Variants in NRCAM observed in about 807,000 individuals in gnomAD.
NRCAM encodes NgCAM-related cell adhesion molecule.
In NRCAM, 83 loss-of-function variants were observed where a neutral mutation model predicts 156.5. The ratio of observed to expected loss-of-function variants is 0.53; its 90% CI spans 0.44 to 0.64. The LOEUF (loss-of-function observed/expected upper bound fraction) is 0.64. Ranked by LOEUF, NRCAM falls within the 30% of genes least tolerant of loss-of-function variation. The probability of loss-of-function intolerance (pLI) is 0.00; values close to 1 mark genes in which losing one functional copy is unlikely to be tolerated. For missense variants in NRCAM, 1,417 were observed against 1,597.3 expected (o/e 0.89, Z 1.92); for synonymous variants, 538 against 563.9 (o/e 0.95, Z 0.65).
chr7:108,294,259 C>G (rs2098407436), intron 3 of NRCAM, among the ~76,000 whole-genome samples: 1 of 124,044 alleles, frequency 8.1e-6, no homozygotes, highest in Admixed American at 1.0e-4. Context: ...AACTCACAGT[C>G]AAACTCAAGT....
intron 29 of NRCAM, 69 bp downstream of exon 29, chr7:108,168,208 A>G: frequency 7.1e-7 from 1 of 1,406,112 alleles, no homozygotes; most frequent in Non-Finnish European, 9.4e-7. Flanking sequence ...TAAATTCTTA[A>G]GAATGTTTTT....
At chr7:108,191,183 G>A in intron 19 of NRCAM, 71 bp downstream of exon 19, 2 of 1,286,162 alleles carry the variant, frequency 1.6e-6, no homozygotes, top group Non-Finnish European at 2.2e-6. Context: ...AGAAAAGAAA[G>A]TTATGAATAC....
chr7:108,351,055 T>A (rs2099408677), intron 2 of NRCAM, among the ~76,000 whole-genome samples: 1 of 152,194 alleles, frequency 6.6e-6, no homozygotes, highest in South Asian at 2.1e-4. Context: ...TTGAATATGT[T>A]CCCCAAAGTT....
At chr7:108,305,974 T>A (rs1038653962) in intron 3 of NRCAM, among the ~76,000 whole-genome samples, 35 of 152,204 alleles carry the variant, frequency 2.3e-4, no homozygotes, top group Non-Finnish European at 1.5e-4. Context: ...TGTATGCAAA[T>A]GCAAAAGAAA....
chr7:108,345,900 T>C (rs2099350122), intron 2 of NRCAM, among the ~76,000 whole-genome samples: 1 of 152,218 alleles, frequency 6.6e-6, no homozygotes. Context: ...AATGGGTGTC[T>C]GTGGGGGAGC....
chr7:108,260,133 T>G (rs1441499027), intron 3 of NRCAM, among the ~76,000 whole-genome samples: 1 of 152,232 alleles, frequency 6.6e-6, no homozygotes, highest in Non-Finnish European at 1.5e-5. Context: ...TGTCTAGTTT[T>G]GCTTCCTATT....
At chr7:108,193,941 TA>T in intron 17 of NRCAM, 82 bp downstream of exon 17, 1 of 1,376,962 alleles carries the variant, frequency 7.3e-7, no homozygotes, top group Non-Finnish European at 9.9e-7. Context: ...AACATCACCA[TA>T]ATTGACTACA....
chr7:108,279,518 T>G (rs1172238232), intron 3 of NRCAM, among the ~76,000 whole-genome samples: 1 of 151,930 alleles, frequency 6.6e-6, no homozygotes, highest in Non-Finnish European at 1.5e-5. Context: ...TTTTTTTGGT[T>G]GTTGTTTGTT....
At chr7:108,257,473 G>T (rs1402408313) in intron 3 of NRCAM, among the ~76,000 whole-genome samples, 1 of 152,128 alleles carries the variant, frequency 6.6e-6, no homozygotes, top group East Asian at 1.9e-4. Context: ...TAATACTCTA[G>T]TCCCAGTATA....
intron 2 of NRCAM, among the ~76,000 whole-genome samples, chr7:108,394,526 C>G (rs1038484840): frequency 1.3e-5 from 2 of 152,186 alleles, no homozygotes; most frequent in African/African-American, 4.8e-5. Context: ...CTGTCTTTGT[C>G]TCTGCCTCTG....
At chr7:108,358,416 C>A (rs1425359951) in intron 2 of NRCAM, among the ~76,000 whole-genome samples, 2 of 151,752 alleles carry the variant, frequency 1.3e-5, no homozygotes, top group African/African-American at 4.8e-5. Context: ...AAACAAAAAC[C>A]AAAAAACCCC....
chr7:108,215,863 C>T (rs1484622904), intron 11 of NRCAM, among the ~76,000 whole-genome samples: 12 of 151,914 alleles, frequency 7.9e-5, no homozygotes, highest in African/African-American at 2.9e-4. Context: ...GATTCGTTAT[C>T]CAATTTGCCA....
At chr7:108,380,479 T>C (rs1425012601) in intron 2 of NRCAM, among the ~76,000 whole-genome samples, 2 of 152,242 alleles carry the variant, frequency 1.3e-5, no homozygotes. Context: ...AAGTCTTAAA[T>C]GTCCCTTTTT....
chr7:108,155,145 T>C (rs62469171), intron 32 of NRCAM, among the ~76,000 whole-genome samples: 1,432 of 100,118 alleles, frequency 0.014, 24 homozygotes, highest in African/African-American at 0.064. Flanking sequence ...CACACACACA[T>C]ATAGCAGACC....
intron 3 of NRCAM, among the ~76,000 whole-genome samples, chr7:108,275,045 G>A (rs1029452887): frequency 4.6e-5 from 7 of 152,276 alleles, no homozygotes; most frequent in Admixed American, 1.3e-4. Context: ...TACGTTTATT[G>A]ATTTGCGTAT....
chr7:108,194,102 C>T lies in NRCAM; in HGVS notation c.1700G>A (p.Cys567Tyr). 1 of 1,614,132 alleles carries T rather than the reference C, an allele frequency of 6.2e-7. No homozygotes were observed. The highest frequency in any genetic ancestry group is 8.5e-7 in the Non-Finnish European group (1 of 1,179,948). ...TAAGGTGTGATCATGTTTCACTTTG[C>T]ATTCAAAGGACACCATGCTCCCTCT... is the stretch of plus-strand genomic sequence containing the variant. ...VQRGSMVSFE[C>Y]KVKHDHTLSL... The change falls in exon 17 of 33, where the codon TGC becomes TAC. Residue 567 changes from cysteine to tyrosine, a missense_variant. Coordinates refer to ENST00000379028, the MANE Select transcript of NRCAM (RefSeq NM_001037132.4).
intron 25 of NRCAM, chr7:108,178,456 C>A: frequency 2.7e-6 from 1 of 374,286 alleles, no homozygotes; most frequent in Non-Finnish European, 5.1e-6. Flanking sequence ...CCAAGTGAAA[C>A]TATTCTAACT....
At chr7:108,187,140 G>C (rs981889697) in intron 20 of NRCAM, among the ~76,000 whole-genome samples, 7 of 152,074 alleles carry the variant, frequency 4.6e-5, no homozygotes, top group African/African-American at 7.2e-5. Context: ...TTCCCCTCTT[G>C]TTCTTCTATA....
intron 3 of NRCAM, among the ~76,000 whole-genome samples, chr7:108,305,443 A>T (rs919097013): frequency 1.3e-5 from 2 of 152,026 alleles, no homozygotes; most frequent in African/African-American, 2.4e-5. Flanking sequence ...TTTTTGCCCC[A>T]GGGAACGAAG....
Sources: gnomAD v4.1 joint callset for allele counts (sites outside exome capture counted in the v4.1 genomes callset) on GRCh38, gnomAD v4.1.1 for gene constraint, MANE v1.5 for transcripts, NCBI Gene and HGNC (gene_info 2026-07-23, HGNC 2026-07-21) for gene names.